Variants in LAMA3 observed in about 807,000 individuals in gnomAD.
LAMA3 encodes laminin subunit alpha-3.
A neutral mutation model predicts 402.0 loss-of-function variants in LAMA3; 281 were observed. The observed-to-expected ratio is 0.70, with a 90% CI of 0.63 to 0.77. The LOEUF (loss-of-function observed/expected upper bound fraction) is 0.77. LAMA3 is among the 30% of genes least tolerant of loss of function. The pLI, the probability that LAMA3 is intolerant of heterozygous loss-of-function variation, is 0.00. For missense variants in LAMA3, 3,840 were observed against 4,215.5 expected, an observed-to-expected ratio of 0.91 and a Z score of 2.47; for synonymous variants, 1,431 against 1,558.4, an observed-to-expected ratio of 0.92 and a Z score of 1.93.
chr18:23,927,460 C>G (rs1236449018), intron 62 of LAMA3, among the ~76,000 whole-genome samples: 5 of 152,140 alleles, frequency 3.3e-5, no homozygotes, highest in African/African-American at 1.2e-4. Flanking sequence ...TGAGCCACCC[C>G]ACCCGGCCCG....
In LAMA3 at chr18:23,917,001, AT is replaced by A. The variant is rs34277541; in HGVS notation, c.7923+312del. 0.88 allele frequency among the ~76,000 whole-genome samples: 133,638 copies of A among 151,922 alleles called. 59,748 individuals carry two copies. Among genetic ancestry groups the A allele is most frequent in the Non-Finnish European group, 0.97 (65,778 of 68,004 alleles). On this transcript the variant is annotated intron_variant, in intron 60 of 74. Transcript: ENST00000313654. ...TAATAAATGTAGTACTCAATAGGTAATTTTTTCTGTCCTTAAAAATACTTCC... is the reference window on the plus strand; with the variant it reads ...TAATAAATGTAGTACTCAATAGGTAATTTTTCTGTCCTTAAAAATACTTCC...
At chr18:23,798,409 T>C (rs2062807637) in intron 12 of LAMA3, among the ~76,000 whole-genome samples, 1 of 152,142 alleles carries the variant, frequency 6.6e-6, no homozygotes, top group Non-Finnish European at 1.5e-5. Context: ...CCTATAAATA[T>C]GTTGTCAGTG....
At chr18:23,726,807 G>A (rs1351720446) in intron 2 of LAMA3, among the ~76,000 whole-genome samples, 1 of 151,930 alleles carries the variant, frequency 6.6e-6, no homozygotes, top group Admixed American at 6.6e-5. Flanking sequence ...TAGTACAGAC[G>A]GGGTTTCACC....
At chr18:23,884,297 G>C (rs1284944242) in intron 40 of LAMA3, among the ~76,000 whole-genome samples, 1 of 152,072 alleles carries the variant, frequency 6.6e-6, no homozygotes. Context: ...GCATCTTTAG[G>C]GGGCTCCAGG....
At chr18:23,828,675 A>G (rs1481303790) in intron 23 of LAMA3, among the ~76,000 whole-genome samples, 2 of 152,200 alleles carry the variant, frequency 1.3e-5, no homozygotes, top group African/African-American at 4.8e-5. Context: ...TGACTCATCT[A>G]GGAGGTTCTA....
At chr18:23,694,640 G>A (rs559418588) in intron 1 of LAMA3, among the ~76,000 whole-genome samples, 2 of 152,172 alleles carry the variant, frequency 1.3e-5, no homozygotes, top group South Asian at 4.1e-4. Context: ...TTAAACCCAG[G>A]TACTCTGGCT....
intron 12 of LAMA3, among the ~76,000 whole-genome samples, chr18:23,803,470 C>G (rs1381352017): frequency 6.6e-6 from 1 of 152,192 alleles, no homozygotes; most frequent in African/African-American, 2.4e-5. Flanking sequence ...AACAGATCCT[C>G]CTGTCTACTT....
chr18:23,698,763 T>C (rs1178335525), intron 1 of LAMA3, among the ~76,000 whole-genome samples: 1 of 152,230 alleles, frequency 6.6e-6, no homozygotes, highest in Non-Finnish European at 1.5e-5. Context: ...TTTATTGGCA[T>C]CTACTATGTG....
intron 2 of LAMA3, among the ~76,000 whole-genome samples, chr18:23,720,529 G>C (rs1370092733): frequency 2.0e-5 from 3 of 151,846 alleles, no homozygotes. Flanking sequence ...TAATTTTTTT[G>C]TATTTTTAGT....
Position 23,928,704 on chromosome 18 carries a change from A to C in LAMA3, c.8375A>C (p.Gln2792Pro). The C allele has an allele frequency of 6.2e-7, 1 of 1,614,002 alleles. No homozygotes were observed. Among genetic ancestry groups the C allele is most frequent in the Non-Finnish European group, 8.5e-7 (1 of 1,179,812 alleles). ...GGCTTACCACCTACTGACCACCTCCAGGCCTCATTTGGATTTCAGACCTTT... is the reference window on the plus strand; with the variant it reads ...GGCTTACCACCTACTGACCACCTCCCGGCCTCATTTGGATTTCAGACCTTT... ...DLGLPPTDHL[Q>P]ASFGFQTFQP... is the part of the protein sequence containing the mutation. The change falls in exon 64 of 75, where the codon CAG (glutamine) becomes CCG (proline). Residue 2792 changes from glutamine to proline, a missense_variant. This residue lies in a region of LAMA3 where 840 missense variants were observed against 981.9 expected (regional missense o/e 0.86). Transcript: ENST00000313654.
intron 24 of LAMA3, among the ~76,000 whole-genome samples, chr18:23,835,726 A>G (rs574322594): frequency 5.9e-5 from 9 of 152,222 alleles, no homozygotes; most frequent in Non-Finnish European, 1.2e-4. Context: ...TGGGAGTCCA[A>G]AAAATATGGC....
chr18:23,893,610 A>G (rs913458439), intron 42 of LAMA3, among the ~76,000 whole-genome samples: 1 of 152,060 alleles, frequency 6.6e-6, no homozygotes, highest in African/African-American at 2.4e-5. Context: ...AACAAAAACA[A>G]AAACTCAGCT....
chr18:23,836,153 G>T (rs919982430), intron 24 of LAMA3, among the ~76,000 whole-genome samples: 10 of 151,558 alleles, frequency 6.6e-5, no homozygotes, highest in Non-Finnish European at 1.3e-4. Flanking sequence ...TCACATAGGG[G>T]AGTGAGAAAG....
At chr18:23,908,668 G>T (rs1381281073) in intron 54 of LAMA3, among the ~76,000 whole-genome samples, 4 of 151,300 alleles carry the variant, frequency 2.6e-5, no homozygotes, top group African/African-American at 9.7e-5. Context: ...ATGTACAGTA[G>T]TTCCTCCTTA....
chr18:23,935,522 A>C (rs1219757900), intron 67 of LAMA3, among the ~76,000 whole-genome samples: 5 of 152,222 alleles, frequency 3.3e-5, no homozygotes, highest in Admixed American at 6.5e-5. Context: ...GAGAGAATAC[A>C]GCACAGCTTA....
At position 23,946,400 on chromosome 18, in the gene LAMA3, T is replaced by C; in HGVS notation, c.9351+116T>C. On this transcript the variant is annotated intron_variant, in intron 70 of 74. Transcript: ENST00000313654. ...GAGAATCTCAAAATACTTTAAATGA[T>C]TTTTAAGGATCTAATTAATGTTCAC... 4.4e-6 allele frequency: 5 copies of C among 1,147,902 alleles called. No homozygotes were observed. In the South Asian group the frequency reaches 6.5e-5, roughly 15 times the overall value. 71.1% of individuals were successfully genotyped at this position (1,147,902 alleles called of 1,614,324 possible). A position where few individuals can be genotyped will look rare whatever the true frequency, so the allele number is the denominator to read the frequency against.
At chr18:23,783,022 T>C (rs2062467750) in intron 11 of LAMA3, among the ~76,000 whole-genome samples, 1 of 152,178 alleles carries the variant, frequency 6.6e-6, no homozygotes, top group African/African-American at 2.4e-5. Context: ...ACAAGGGTTA[T>C]TTCTCTCAAT....
At chr18:23,895,646 C>G (rs1022235957) in intron 44 of LAMA3, among the ~76,000 whole-genome samples, 1 of 152,024 alleles carries the variant, frequency 6.6e-6, no homozygotes, top group Admixed American at 6.5e-5. Context: ...TATAAAGATG[C>G]CTTCTTATTC....
intron 40 of LAMA3, among the ~76,000 whole-genome samples, chr18:23,883,744 G>T: frequency 6.6e-6 from 1 of 152,346 alleles, no homozygotes; most frequent in Admixed American, 6.5e-5. Context: ...AGAAAGCAGC[G>T]AGATTTCCAC....
Sources: gnomAD v4.1 joint callset for allele counts (sites outside exome capture counted in the v4.1 genomes callset) on GRCh38, gnomAD v4.1.1 for gene constraint, gnomAD v4.1.1 regional missense constraint, MANE v1.5 for transcripts, NCBI Gene and HGNC (gene_info 2026-07-23, HGNC 2026-07-21) for gene names.